The following DISP1 variants were observed in gnomAD, a reference collection of about 807,000 sequenced individuals.
DISP1 encodes protein dispatched homolog 1.
In DISP1, 30 loss-of-function variants were observed where a neutral mutation model predicts 37.3. The ratio of observed to expected loss-of-function variants is 0.80; its 90% CI spans 0.60 to 1.09. The LOEUF is 1.09. Among genes scored for constraint, DISP1 ranks in the 50% least tolerant of loss-of-function variants. The probability of loss-of-function intolerance (pLI) is 0.00; values close to 1 mark genes in which losing one functional copy is unlikely to be tolerated. For synonymous variants in DISP1, 634 were observed against 690.2 expected, an observed-to-expected ratio of 0.92 and a Z score of 1.28; for missense variants, 1,598 against 1,879.5, an observed-to-expected ratio of 0.85 and a Z score of 2.77.
chr1:222,929,248 C>T (rs996950589), intron 2 of DISP1, among the ~76,000 whole-genome samples: 2 of 152,130 alleles, frequency 1.3e-5, no homozygotes, highest in South Asian at 2.1e-4. Flanking sequence ...CTTAAAAGTA[C>T]AATTCAAAAT....
chr1:222,971,765 C>T (rs1676974947), intron 3 of DISP1, among the ~76,000 whole-genome samples: 1 of 152,190 alleles, frequency 6.6e-6, no homozygotes, highest in African/African-American at 2.4e-5. Context: ...TTTGAACTTA[C>T]TTTCAGAAAT....
chr1:222,943,066 CT>C lies in DISP1; in HGVS notation c.244del (p.Cys82AlafsTer10), dbSNP rs1212736947. ...QRMPQMLPQC[C>X]HPCPYHHPLT... ...GAATGCCTCAGATGTTACCCCAATG[CT>C]GCCATCCTTGCCCATACCATCACCC... On this transcript the variant is annotated frameshift_variant, in exon 3 of 9. Transcript: ENST00000675850. LOFTEE classifies it high-confidence loss of function. 6.2e-7 allele frequency: 1 copy of C among 1,614,234 alleles called. No individual in the cohort carries two copies. The highest frequency in any genetic ancestry group is 1.1e-5 in the South Asian group (1 of 91,084).
chr1:223,005,371 T>C lies in DISP1; in HGVS notation c.3974T>C (p.Phe1325Ser), dbSNP rs200895673. ...GCCACACACCAAGCTGTCGAGGGCT[T>C]TGTGCACCCCATCACGCACATCCAC... ...LKATHQAVEGFVHPITHIHHC... is the reference protein window; with the variant it reads ...LKATHQAVEGSVHPITHIHHC... The change falls in exon 9 of 9, where the codon TTT becomes TCT. Residue 1325 changes from phenylalanine (F) to serine (S), a missense_variant. Physicochemically the swap from Phe to Ser is radical, Grantham distance 155. Transcript: ENST00000675850. 9.3e-6 allele frequency: 15 copies of C among 1,613,420 alleles called. No homozygotes were observed. The highest frequency in any genetic ancestry group is 1.3e-5 in the Non-Finnish European group (15 of 1,179,980).
intron 1 of DISP1, among the ~76,000 whole-genome samples, chr1:222,912,111 A>G (rs1672246335): frequency 6.6e-6 from 1 of 152,186 alleles, no homozygotes; most frequent in South Asian, 2.1e-4. Context: ...CTTATTTTTC[A>G]TAAGCTCTTA....
At chr1:222,848,547 G>A (rs183272471) in intron 1 of DISP1, among the ~76,000 whole-genome samples, 2 of 152,224 alleles carry the variant, frequency 1.3e-5, no homozygotes, top group East Asian at 1.9e-4. Context: ...GTGTAAAAAT[G>A]TGTCCAATAT....
chr1:222,863,907 T>A (rs1366192630), intron 1 of DISP1, among the ~76,000 whole-genome samples: 2 of 152,178 alleles, frequency 1.3e-5, no homozygotes, highest in Non-Finnish European at 2.9e-5. Context: ...CTTCCTGTAC[T>A]TTTCCTTGTC....
At chr1:222,847,167 G>T (rs952272834) in intron 1 of DISP1, among the ~76,000 whole-genome samples, 3 of 152,048 alleles carry the variant, frequency 2.0e-5, no homozygotes, top group Admixed American at 6.5e-5. Flanking sequence ...ATTATCCCAG[G>T]CATGGCCAGT....
At chr1:222,926,981 T>C (rs1327061070) in intron 1 of DISP1, among the ~76,000 whole-genome samples, 1 of 152,120 alleles carries the variant, frequency 6.6e-6, no homozygotes, top group Non-Finnish European at 1.5e-5. Context: ...GGGTTACAAA[T>C]AATTTATAGT....
intron 1 of DISP1, among the ~76,000 whole-genome samples, chr1:222,819,281 T>A (rs1240857779): frequency 1.3e-5 from 2 of 152,214 alleles, no homozygotes; most frequent in South Asian, 4.1e-4. Flanking sequence ...TGTGAGCCAA[T>A]TAAACCTCTT....
At chr1:222,896,593 T>C (rs1299857807) in intron 1 of DISP1, among the ~76,000 whole-genome samples, 1 of 145,994 alleles carries the variant, frequency 6.8e-6, no homozygotes, top group Non-Finnish European at 1.5e-5. Context: ...AGAGTGAGAC[T>C]CTATCTCAGA....
chr1:222,905,474 G>A (rs1572475621), intron 1 of DISP1, among the ~76,000 whole-genome samples: 2 of 152,128 alleles, frequency 1.3e-5, no homozygotes, highest in East Asian at 1.9e-4. Flanking sequence ...ACAATATATA[G>A]CATCACTGTA....
At chr1:222,957,129 A>G (rs1262116962) in intron 3 of DISP1, among the ~76,000 whole-genome samples, 1 of 101,122 alleles carries the variant, frequency 9.9e-6, no homozygotes, top group Non-Finnish European at 1.9e-5. Context: ...GCTCTAAACT[A>G]TTTTCTTTAC....
intron 1 of DISP1, among the ~76,000 whole-genome samples, chr1:222,872,114 C>A (rs751548232): frequency 9.9e-5 from 15 of 152,152 alleles, no homozygotes; most frequent in Non-Finnish European, 1.6e-4. Context: ...GTTGAATCAG[C>A]CTTGCATCCC....
At chr1:222,818,932 G>A (rs774918278) in intron 1 of DISP1, among the ~76,000 whole-genome samples, 4 of 152,182 alleles carry the variant, frequency 2.6e-5, no homozygotes, top group Non-Finnish European at 5.9e-5. Context: ...CGTGTAAAAT[G>A]TTGCATAGTC....
At chr1:222,883,399 C>T (rs527403240) in intron 1 of DISP1, among the ~76,000 whole-genome samples, 1 of 152,260 alleles carries the variant, frequency 6.6e-6, no homozygotes, top group East Asian at 1.9e-4. Flanking sequence ...GCAGTCTGAT[C>T]ACGAGGTCAG....
intron 2 of DISP1, among the ~76,000 whole-genome samples, chr1:222,937,292 G>A (rs992990024): frequency 2.6e-5 from 4 of 151,330 alleles, no homozygotes; most frequent in East Asian, 1.9e-4. Flanking sequence ...AGGTTTCACC[G>A]TGTTAGCCAG....
At chr1:222,923,213 C>A (rs902496039) in intron 1 of DISP1, among the ~76,000 whole-genome samples, 1 of 152,038 alleles carries the variant, frequency 6.6e-6, no homozygotes, top group African/African-American at 2.4e-5. Context: ...CAGAGTGAGA[C>A]AGAGTAAAGA....
intron 3 of DISP1, among the ~76,000 whole-genome samples, chr1:222,973,045 T>C (rs143193731): frequency 6.8e-6 from 1 of 147,572 alleles, no homozygotes; most frequent in African/African-American, 2.4e-5. Context: ...AAATGTATTT[T>C]AAGTTTATGG....
chr1:222,936,370 G>C (rs1462589125), intron 2 of DISP1, among the ~76,000 whole-genome samples: 2 of 151,802 alleles, frequency 1.3e-5, no homozygotes, highest in African/African-American at 4.8e-5. Context: ...CATTTTCAAT[G>C]TGATGCAACT....
Sources: allele counts gnomAD v4.1 joint callset (sites outside exome capture counted in the v4.1 genomes callset), GRCh38; gene constraint gnomAD v4.1.1; transcripts MANE v1.5; gene names NCBI Gene and HGNC (gene_info 2026-07-23, HGNC 2026-07-21).